Variants in TNS3 observed in about 807,000 individuals in gnomAD.
TNS3 encodes the protein tensin 3, also known as tensin-3.
TNS3 carries 45 observed loss-of-function variants against 140.9 expected under a neutral mutation model. That is an observed-to-expected ratio of 0.32 (90% confidence interval 0.25 to 0.41). The LOEUF (loss-of-function observed/expected upper bound fraction) is 0.41, where lower values mean the gene tolerates loss of function less well. Ranked by LOEUF, TNS3 falls within the 10% of genes least tolerant of loss-of-function variation. The pLI is 1.00. For missense variants in TNS3, 1,716 were observed against 1,906.7 expected (o/e 0.90, Z 1.86); for synonymous variants, 815 against 788.4 (o/e 1.03, Z -0.56).
chr7:47,445,449 A>G (rs1253516560), intron 4 of TNS3, among the ~76,000 whole-genome samples: 1 of 152,196 alleles, frequency 6.6e-6, no homozygotes, highest in Non-Finnish European at 1.5e-5. Flanking sequence ...ACCTTCTGAC[A>G]CCAAAACTCT....
At chr7:47,525,351 C>G (rs1007717579) in intron 2 of TNS3, among the ~76,000 whole-genome samples, 1 of 152,222 alleles carries the variant, frequency 6.6e-6, no homozygotes, top group South Asian at 2.1e-4. Flanking sequence ...CTCGTGAGTG[C>G]CTGGATGTTG....
intron 3 of TNS3, among the ~76,000 whole-genome samples, chr7:47,501,597 G>A (rs1423206043): frequency 2.0e-5 from 3 of 152,196 alleles, no homozygotes; most frequent in Non-Finnish European, 4.4e-5. Context: ...AAAGAATGCA[G>A]TAACCGAGAG....
intron 1 of TNS3, among the ~76,000 whole-genome samples, chr7:47,563,582 G>A (rs1485343581): frequency 6.6e-6 from 1 of 152,132 alleles, no homozygotes; most frequent in African/African-American, 2.4e-5. Context: ...CATCAAAGTC[G>A]ACTTACAGAA....
Position 47,400,870 on chromosome 7 carries a change from G to A in TNS3, c.768C>T (p.Val256=), listed in dbSNP as rs375015340. Residue 256 remains valine, a synonymous_variant, in exon 14 of 31, where the codon GTC becomes GTT. Transcript: ENST00000311160. ...HKKYRSATRD[V]IFRLQFHTGA... ...CAGTGTGAAACTGCAGGCGGAAAAT[G>A]ACGTCACGGGTGGCCGAGCGGTATT... The A allele has an allele frequency of 2.4e-5, 38 of 1,614,148 alleles. No homozygotes were observed. Among genetic ancestry groups the A allele is most frequent in the Admixed American group, 2.2e-4 (13 of 60,016 alleles).
intron 13 of TNS3, among the ~76,000 whole-genome samples, chr7:47,406,263 T>A (rs1463046854): frequency 1.8e-4 from 28 of 152,296 alleles, no homozygotes; most frequent in Admixed American, 1.8e-3. Flanking sequence ...GGGCTGGCTG[T>A]GTCGAGGCGA....
intron 2 of TNS3, 129 bp downstream of exon 2, chr7:47,528,907 G>A (rs879235337): frequency 7.0e-6 from 3 of 425,950 alleles, no homozygotes; most frequent in South Asian, 4.7e-5. Context: ...GGGGGTTGGG[G>A]GACATATAAA....
At chr7:47,465,780 C>T (rs144239007) in intron 4 of TNS3, among the ~76,000 whole-genome samples, 1,878 of 151,822 alleles carry the variant, frequency 0.012, 42 homozygotes, top group African/African-American at 0.043. Context: ...CAAAATTAGC[C>T]GGGCGTGGTG....
chr7:47,308,307 C>A (rs563356369), intron 20 of TNS3, among the ~76,000 whole-genome samples: 105 of 152,244 alleles, frequency 6.9e-4, no homozygotes, highest in Non-Finnish European at 6.2e-4. Context: ...TTTCTCTCTC[C>A]AGTGAAGTTT....
intron 16 of TNS3, among the ~76,000 whole-genome samples, chr7:47,374,116 T>C (rs1381316400): frequency 6.6e-6 from 1 of 152,140 alleles, no homozygotes; most frequent in Non-Finnish European, 1.5e-5. Context: ...TCACCCAATC[T>C]AAGGGTTCTA....
At chr7:47,513,466 G>A (rs565869162) in intron 2 of TNS3, among the ~76,000 whole-genome samples, 3 of 152,306 alleles carry the variant, frequency 2.0e-5, no homozygotes, top group South Asian at 2.1e-4. Context: ...ACCTCACCAC[G>A]CCCTAAAATA....
chr7:47,356,483 T>C (rs1790000082), intron 17 of TNS3, among the ~76,000 whole-genome samples: 1 of 152,190 alleles, frequency 6.6e-6, no homozygotes, highest in Non-Finnish European at 1.5e-5. Flanking sequence ...TAGAAGCAGG[T>C]ACCCACATTT....
intron 8 of TNS3, among the ~76,000 whole-genome samples, chr7:47,432,559 G>T (rs922840286): frequency 6.6e-6 from 1 of 152,216 alleles, no homozygotes; most frequent in Admixed American, 6.5e-5. Context: ...GAAAGCTGAA[G>T]AAATGCAAAC....
At chr7:47,282,540 T>C (rs1018308534) in intron 28 of TNS3, among the ~76,000 whole-genome samples, 3 of 151,982 alleles carry the variant, frequency 2.0e-5, no homozygotes, top group African/African-American at 7.2e-5. Context: ...CCTGAGAACA[T>C]GGTGGGGTTG....
At chr7:47,458,976 C>A (rs1377887708) in intron 4 of TNS3, among the ~76,000 whole-genome samples, 1 of 152,212 alleles carries the variant, frequency 6.6e-6, no homozygotes, top group Non-Finnish European at 1.5e-5. Context: ...ATAGGATGGA[C>A]CCCTAAATAA....
chr7:47,560,176 G>A (rs1453925250), intron 1 of TNS3, among the ~76,000 whole-genome samples: 1 of 152,028 alleles, frequency 6.6e-6, no homozygotes, highest in African/African-American at 2.4e-5. Context: ...ATGAGGAGCT[G>A]GGGCCTCAGG....
rs1267287433 is a variant in TNS3 at position 47,427,130 on chromosome 7, A to AG, written c.389+1181_389+1182insC. On this transcript the variant is annotated intron_variant, in intron 9 of 30. Coordinates refer to ENST00000311160, the MANE Select transcript of TNS3 (RefSeq NM_022748.12). ...AACGAAGCAAGACTCTGTCAAAAAA[A>AG]AAAAAAAAAAAAAAACAGAAGTGCT... Among the ~76,000 whole-genome samples, 6 of 151,388 alleles carry AG rather than the reference A, an allele frequency of 4.0e-5. No individual in the cohort carries two copies. In the East Asian group the frequency reaches 1.2e-3, roughly 29 times the overall value.
In TNS3 at chr7:47,297,162, C is replaced by G; in HGVS notation, c.3596G>C (p.Ser1199Thr). The change falls in exon 24 of 31, where the codon AGC becomes ACC. Residue 1199 changes from serine to threonine, a missense_variant. Ser to Thr is a moderately conservative substitution (Grantham distance 58). Coordinates refer to ENST00000311160, the MANE Select transcript of TNS3 (RefSeq NM_022748.12). ...GCCATAGGCCCCTCGGAAGGAATGG[C>G]TGTCTCGAACAATGAATGAGCCCGG... ...KEPGSFIVRD[S>T]HSFRGAYGLA... 6.2e-7 allele frequency: 1 copy of G among 1,613,716 alleles called. No individual in the cohort carries two copies. The highest frequency in any genetic ancestry group is 8.5e-7 in the Non-Finnish European group (1 of 1,179,948).
chr7:47,453,347 G>A, intron 4 of TNS3: 1 of 713,250 alleles, frequency 1.4e-6, no homozygotes, highest in Non-Finnish European at 1.7e-6. Context: ...AGCCACTAGG[G>A]AGAACCGCCT....
intron 2 of TNS3, among the ~76,000 whole-genome samples, chr7:47,526,477 T>TA: frequency 6.6e-6 from 1 of 152,206 alleles, no homozygotes; most frequent in Non-Finnish European, 1.5e-5. Flanking sequence ...GCTGTGCACT[T>TA]TAAGCCTGAC....
Sources: allele counts gnomAD v4.1 joint callset (sites outside exome capture counted in the v4.1 genomes callset), GRCh38; gene constraint gnomAD v4.1.1; transcripts MANE v1.5; gene names NCBI Gene and HGNC (gene_info 2026-07-23, HGNC 2026-07-21).